The following WLS variants were observed in gnomAD, a reference collection of about 807,000 sequenced individuals.
The protein encoded by WLS is protein wntless homolog.
A neutral mutation model predicts 62.8 loss-of-function variants in WLS; 23 were observed. That is an observed-to-expected ratio of 0.37 (90% confidence interval 0.26 to 0.52). The LOEUF (loss-of-function observed/expected upper bound fraction) is 0.52. WLS is among the 20% of genes least tolerant of loss of function. The pLI is 0.92. For synonymous variants in WLS, 246 were observed against 244.1 expected (o/e 1.01, Z -0.07); for missense variants, 615 against 697.3 (o/e 0.88, Z 1.33).
chr1:68,123,306 G>A (rs6688143), downstream of WLS, among the ~76,000 whole-genome samples: 2,985 of 152,158 alleles, frequency 0.02, 97 homozygotes, highest in African/African-American at 0.068. Context: ...GACATCTAAC[G>A]TTGTTTCTTT....
intron 2 of WLS, among the ~76,000 whole-genome samples, chr1:68,179,983 G>A (rs1038654578): frequency 7.2e-5 from 11 of 152,074 alleles, no homozygotes; most frequent in African/African-American, 2.7e-4. Flanking sequence ...TGATCATATG[G>A]CCAGTTGCCC....
chr1:68,213,413 T>C (rs1319022657), intron 1 of WLS, among the ~76,000 whole-genome samples: 1 of 146,834 alleles, frequency 6.8e-6, no homozygotes, highest in Non-Finnish European at 1.5e-5. Flanking sequence ...ATTGCGCCAT[T>C]GCTCTCCAGA....
Position 68,182,050 on chromosome 1 carries a change from AAGACTAG to A in WLS, c.379+11898_379+11904del, listed in dbSNP as rs1283425478. Among the ~76,000 whole-genome samples, 4 of 152,240 alleles carry A rather than the reference AAGACTAG, an allele frequency of 2.6e-5. No homozygotes were observed. In the South Asian group the frequency reaches 6.2e-4, roughly 24 times the overall value. Reference sequence around the variant, plus strand: ...CAACACCATAGAAGAGTGTTTTGTTAAGACTAGAGACTAATCTAACACAATCTACTCA... The same window carrying A: ...CAACACCATAGAAGAGTGTTTTGTTAAGACTAATCTAACACAATCTACTCA... On this transcript the variant is annotated intron_variant, in intron 2 of 11. Transcript: ENST00000262348.
chr1:68,125,593 T>C lies in WLS; in HGVS notation c.*633A>G. 1.2e-5 allele frequency: 12 copies of C among 985,544 alleles called. No homozygotes were observed. Among genetic ancestry groups the C allele is most frequent in the Non-Finnish European group, 1.4e-5 (12 of 829,994 alleles). 61.0% of individuals were successfully genotyped at this position (985,544 alleles called of 1,614,324 possible). ...AACCCACATCCAACAGATTGGTTAG[T>C]ATTAGATACACAGATTTGGTTTCAA... On this transcript the variant is annotated 3_prime_UTR_variant, in exon 12 of 12. Transcript: ENST00000262348.
chr1:68,120,717 TGCGCGCGC>T (rs56751724), downstream of WLS, among the ~76,000 whole-genome samples: 4,747 of 145,796 alleles, frequency 0.033, 90 homozygotes, highest in Middle Eastern at 0.099. Flanking sequence ...TGTGTGTGTG[TGCGCGCGC>T]GCACATGTGC....
chr1:68,147,094 C>T lies in WLS; in HGVS notation c.1134+1042G>A, dbSNP rs186983998. On this transcript the variant is annotated intron_variant, in intron 8 of 11. Coordinates refer to ENST00000262348, the MANE Select transcript of WLS (RefSeq NM_024911.7). ...AAGCATTTAATAAGTATGAACTTGG[C>T]GTGCATATTTCATTAAATAATATAA... 1.6e-3 allele frequency among the ~76,000 whole-genome samples: 240 copies of T among 152,136 alleles called. 6 individuals are homozygous for T. The highest frequency in any genetic ancestry group is 7.4e-4 in the Non-Finnish European group (50 of 68,006).
At chr1:68,209,977 G>T (rs1002600099) in intron 1 of WLS, among the ~76,000 whole-genome samples, 1 of 152,162 alleles carries the variant, frequency 6.6e-6, no homozygotes, top group Non-Finnish European at 1.5e-5. Flanking sequence ...AAAAACTAAT[G>T]CAGGGATACA....
At chr1:68,224,778 G>A (rs1037466216) in intron 1 of WLS, among the ~76,000 whole-genome samples, 1 of 151,962 alleles carries the variant, frequency 6.6e-6, no homozygotes, top group African/African-American at 2.4e-5. Context: ...ACGAAAAGGT[G>A]GGGGGGATTG....
At chr1:68,103,126 T>A (rs1261082472) in intron 11 of WLS, among the ~76,000 whole-genome samples, 1 of 152,184 alleles carries the variant, frequency 6.6e-6, no homozygotes, top group Non-Finnish European at 1.5e-5. Context: ...GGTGCATACC[T>A]CTGTGAATTA....
chr1:68,106,231 GAAAT>G lies in WLS; in HGVS notation c.1511-7482_1511-7479del, dbSNP rs575830162. 1.4e-3 allele frequency among the ~76,000 whole-genome samples: 206 copies of G among 152,286 alleles called. 1 individual carries two copies. Among genetic ancestry groups the G allele is most frequent in the African/African-American group, 4.9e-3 (204 of 41,574 alleles). On this transcript the variant is annotated intron_variant, in intron 11 of 11. Transcript: ENST00000354777. Reference sequence around the variant, plus strand: ...AAAGGCACTTCGAGCCATTCATAAAGAAATAAATGATAGTGCAAGGCAGCCGGAC... The same window carrying G: ...AAAGGCACTTCGAGCCATTCATAAAGAAATGATAGTGCAAGGCAGCCGGAC...
At chr1:68,154,486 A>G (rs991551844) in intron 4 of WLS, among the ~76,000 whole-genome samples, 10 of 152,226 alleles carry the variant, frequency 6.6e-5, no homozygotes, top group Non-Finnish European at 1.5e-5. Context: ...AAATAAAGAA[A>G]GCAAGGAAAA....
chr1:68,119,842 T>C (rs1054289749), intron 11 of WLS, among the ~76,000 whole-genome samples: 5 of 152,248 alleles, frequency 3.3e-5, no homozygotes, highest in African/African-American at 4.8e-5. Context: ...CATGGTGCTA[T>C]AGAAATAACT....
At chr1:68,156,437 C>G (rs867807807) in intron 3 of WLS, among the ~76,000 whole-genome samples, 4 of 152,294 alleles carry the variant, frequency 2.6e-5, no homozygotes, top group African/African-American at 9.6e-5. Flanking sequence ...GGAAGGGGCT[C>G]TGCCCCTTCT....
chr1:68,126,808 T>C (rs1027765742), intron 11 of WLS, among the ~76,000 whole-genome samples: 1 of 152,100 alleles, frequency 6.6e-6, no homozygotes, highest in African/African-American at 2.4e-5. Flanking sequence ...GAACATCTGA[T>C]GCCAAGACCA....
chr1:68,153,434 G>A, intron 5 of WLS, 83 bp downstream of exon 5: 1 of 1,579,302 alleles, frequency 6.3e-7, no homozygotes, highest in Non-Finnish European at 8.6e-7. Context: ...CTGGCTGCTT[G>A]AACTGGACAC....
At chr1:68,099,080 G>GC (rs905195485) in intron 11 of WLS, among the ~76,000 whole-genome samples, 2 of 152,196 alleles carry the variant, frequency 1.3e-5, no homozygotes, top group African/African-American at 4.8e-5. Flanking sequence ...AGATAGAACT[G>GC]CCCCCCTCAT....
intron 2 of WLS, among the ~76,000 whole-genome samples, chr1:68,160,642 A>G (rs1646959861): frequency 6.6e-6 from 1 of 152,228 alleles, no homozygotes; most frequent in African/African-American, 2.4e-5. Flanking sequence ...TACGTTTACA[A>G]TAAACAAATA....
chr1:68,129,543 T>C (rs1646487923), intron 11 of WLS, among the ~76,000 whole-genome samples: 2 of 152,190 alleles, frequency 1.3e-5, no homozygotes, highest in South Asian at 4.1e-4. Context: ...ATTTCTCTAC[T>C]GTGCTGGATG....
chr1:68,183,699 T>G (rs1265483922), intron 2 of WLS: 1 of 265,910 alleles, frequency 3.8e-6, no homozygotes, highest in African/African-American at 2.3e-5. Context: ...TGTCTTCCCT[T>G]GATGTCCACT....
Sources: gnomAD v4.1 joint callset for allele counts (sites outside exome capture counted in the v4.1 genomes callset) on GRCh38, gnomAD v4.1.1 for gene constraint, MANE v1.5 for transcripts, NCBI Gene and HGNC (gene_info 2026-07-23, HGNC 2026-07-21) for gene names.